Variants in ABCB10 observed in about 807,000 individuals in gnomAD.
ABCB10 encodes ATP-binding cassette sub-family B member 10, mitochondrial.
ABCB10 carries 54 observed loss-of-function variants against 65.4 expected under a neutral mutation model. The ratio of observed to expected loss-of-function variants is 0.83; its 90% CI spans 0.66 to 1.04. The LOEUF is 1.04. Among genes scored for constraint, ABCB10 ranks in the 50% least tolerant of loss-of-function variants. ABCB10 has a pLI of 0.00. For missense variants in ABCB10, 846 were observed against 976.6 expected, an observed-to-expected ratio of 0.87 and a Z score of 1.78; for synonymous variants, 418 against 406.5, an observed-to-expected ratio of 1.03 and a Z score of -0.34.
chr1:229,558,166 G>C lies in ABCB10; in HGVS notation c.487C>G (p.Leu163Val), dbSNP rs1399503129. 1 of 1,433,940 alleles carries C rather than the reference G, an allele frequency of 7.0e-7. No homozygotes were observed. The highest frequency in any genetic ancestry group is 9.1e-7 in the Non-Finnish European group (1 of 1,096,870). 88.8% of individuals were successfully genotyped at this position (1,433,940 alleles called of 1,614,324 possible). A position where few individuals can be genotyped will look rare whatever the true frequency, so the allele number is the denominator to read the frequency against. The change falls in exon 1 of 13, where the codon CTG becomes GTG. Residue 163 changes from leucine to valine, a missense_variant. Leu to Val is a conservative substitution (Grantham distance 32). Around this residue, in one of 2 missense-constraint regions of ABCB10, gnomAD observed 632 missense variants for 803.2 expected, o/e 0.79. Coordinates refer to ENST00000344517, the MANE Select transcript of ABCB10 (RefSeq NM_012089.3). ...AGCCTCCGGCGCTCAGGGTACGCCAGCCCCAGGAGCTTCCGGGCCTCCGGG... is the reference window on the plus strand; with the variant it reads ...AGCCTCCGGCGCTCAGGGTACGCCACCCCCAGGAGCTTCCGGGCCTCCGGG... ...GLPEARKLLG[L>V]AYPERRRLAA... is the part of the protein sequence containing the mutation.
intron 10 of ABCB10, among the ~76,000 whole-genome samples, chr1:229,521,908 C>T (rs930659408): frequency 5.3e-5 from 8 of 152,156 alleles, no homozygotes; most frequent in African/African-American, 1.9e-4. Context: ...ACTCTGTCAC[C>T]CATGCTGGAG....
In ABCB10 at chr1:229,530,312, T is replaced by C. The variant is rs745348976; in HGVS notation, c.1532A>G (p.Gln511Arg). 6.2e-7 allele frequency: 1 copy of C among 1,614,192 alleles called. No homozygotes were observed. The highest frequency in any genetic ancestry group is 1.7e-5 in the Admixed American group (1 of 60,022). The change falls in exon 8 of 13, where the codon CAG becomes CGG. Residue 511 changes from glutamine (Q) to arginine (R), a missense_variant. By Grantham distance (43) the Gln-to-Arg change is conservative. This residue lies in a region of ABCB10 where 632 missense variants were observed against 803.2 expected (regional missense o/e 0.79). Transcript: ENST00000344517. ...YPARPEVPIF[Q>R]DFSLSIPSGS... ...TGACGGAATGGAAAGGCTGAAATCC[T>C]GAAATATGGGCACCTCTGGGCGAGC...
In ABCB10 at chr1:229,518,895, G is replaced by A. The variant is rs1662237229; in HGVS notation, c.1951-20C>T. 6.4e-7 allele frequency: 1 copy of A among 1,568,858 alleles called. No individual in the cohort carries two copies. Among genetic ancestry groups the A allele is most frequent in the South Asian group, 1.2e-5 (1 of 85,494 alleles). ...GGGATTCTGAAGAAGGAAAAAAAAG[G>A]AAAAGATAAAATAATTTTATTGGAA... On this transcript the variant is annotated intron_variant, in intron 11 of 12. Transcript: ENST00000344517.
chr1:229,538,041 C>T (rs1437979270), intron 6 of ABCB10, among the ~76,000 whole-genome samples: 1 of 152,156 alleles, frequency 6.6e-6, no homozygotes, highest in African/African-American at 2.4e-5. Flanking sequence ...AGACAGTTGA[C>T]CAGAGTTGTG....
Position 229,518,186 on chromosome 1 carries a change from GA to G in ABCB10, c.2209del (p.Ser737GlnfsTer52), listed in dbSNP as rs767831138. The G allele has an allele frequency of 6.2e-7, 1 of 1,612,878 alleles. No individual in the cohort carries two copies. Among genetic ancestry groups the G allele is most frequent in the East Asian group, 2.2e-5 (1 of 44,876 alleles). ...TTACCAGTAATTGCTTCCTTATGCT[GA>G]AATAAAACTTTGTTTGTTCATTAGT... ...RKLMNKQSFI[S>X]A On this transcript the variant is annotated frameshift_variant, in exon 13 of 13. Transcript: ENST00000344517. LOFTEE classifies it high-confidence loss of function.
intron 8 of ABCB10, among the ~76,000 whole-genome samples, chr1:229,529,321 A>G (rs1662521764): frequency 1.4e-5 from 2 of 143,042 alleles, no homozygotes; most frequent in Non-Finnish European, 3.1e-5. Flanking sequence ...AAAAAAAAAA[A>G]AAAAAAAAGA....
At chr1:229,551,103 T>C (rs1373682136) in intron 1 of ABCB10, among the ~76,000 whole-genome samples, 1 of 152,182 alleles carries the variant, frequency 6.6e-6, no homozygotes, top group Non-Finnish European at 1.5e-5. Context: ...TATATAACCT[T>C]AATAAAGAGT....
At position 229,552,077 on chromosome 1, in the gene ABCB10, T is replaced by A. The variant is rs138457985; in HGVS notation, c.518-2643A>T. 3.3e-5 allele frequency among the ~76,000 whole-genome samples: 5 copies of A among 152,372 alleles called. No homozygotes were observed. In the East Asian group the frequency reaches 9.6e-4, roughly 29 times the overall value. ...TGCTGATTACAAAGAGGAAGTAATT[T>A]AGCTGAATCCAAATTAATTTCAGGA... On this transcript the variant is annotated intron_variant, in intron 1 of 12. Coordinates refer to ENST00000344517, the MANE Select transcript of ABCB10 (RefSeq NM_012089.3).
At chr1:229,531,542 C>T in intron 7 of ABCB10, 94 bp downstream of exon 7, 4 of 1,266,058 alleles carry the variant, frequency 3.2e-6, no homozygotes, top group Non-Finnish European at 4.5e-6. Context: ...TACTGTGGCT[C>T]ATCCCTCACT....
intron 6 of ABCB10, among the ~76,000 whole-genome samples, chr1:229,537,660 C>T (rs941096793): frequency 4.6e-5 from 7 of 152,046 alleles, no homozygotes; most frequent in Non-Finnish European, 1.5e-5. Flanking sequence ...TGTGGCAGCA[C>T]GTGCCTGTAG....
intron 8 of ABCB10, among the ~76,000 whole-genome samples, chr1:229,529,667 CAAAAAAAAAA>C (rs969766089): frequency 8.6e-5 from 2 of 23,210 alleles, no homozygotes; most frequent in Non-Finnish European, 1.6e-4. Flanking sequence ...AAGACTGTCT[CAAAAAAAAAA>C]AAAAAAAAAA....
rs2102797881 is a variant in ABCB10 at position 229,518,154 on chromosome 1, A to G, written c.*25T>C. The stretch of plus-strand genomic sequence containing the variant: ...CAACACTGTTTTGCATTAAAGTCTC[A>G]TATTGTTTACCAGTAATTGCTTCCT... On this transcript the variant is annotated 3_prime_UTR_variant, in exon 13 of 13. Transcript: ENST00000344517. 3 of 1,559,980 alleles carry G rather than the reference A, an allele frequency of 1.9e-6. No individual in the cohort carries two copies. The highest frequency in any genetic ancestry group is 1.1e-5 in the South Asian group (1 of 89,696).
chr1:229,554,886 A>G (rs1663208804), intron 1 of ABCB10, among the ~76,000 whole-genome samples: 1 of 152,112 alleles, frequency 6.6e-6, no homozygotes, highest in Non-Finnish European at 1.5e-5. Flanking sequence ...TTGTCACTAT[A>G]TTCACTGTGG....
At chr1:229,529,162 A>G (rs1390619579) in intron 8 of ABCB10, among the ~76,000 whole-genome samples, 4 of 150,460 alleles carry the variant, frequency 2.7e-5, no homozygotes. Context: ...GCATGGTGGC[A>G]GGCGCCTGTG....
At chr1:229,552,464 C>A (rs1663141313) in intron 1 of ABCB10, among the ~76,000 whole-genome samples, 1 of 152,182 alleles carries the variant, frequency 6.6e-6, no homozygotes, top group Non-Finnish European at 1.5e-5. Flanking sequence ...TTGACAGATA[C>A]CTTCAAGTAT....
intron 1 of ABCB10, among the ~76,000 whole-genome samples, chr1:229,550,314 C>G (rs1663076534): frequency 6.7e-6 from 1 of 149,518 alleles, no homozygotes; most frequent in Admixed American, 6.6e-5. Flanking sequence ...TTGTTTGAGC[C>G]CAGGAGATCC....
chr1:229,523,050 C>T (rs12022203), intron 10 of ABCB10, among the ~76,000 whole-genome samples: 23,974 of 152,052 alleles, frequency 0.16, 2,408 homozygotes, highest in Middle Eastern at 0.26. Flanking sequence ...TCTTTTTTTC[C>T]CCTCCTCTAG....
In ABCB10 at chr1:229,525,983, G is replaced by A. The variant is rs916144143; in HGVS notation, c.1859C>T (p.Pro620Leu). The A allele has an allele frequency of 2.7e-5, 44 of 1,614,090 alleles. No homozygotes were observed. The highest frequency in any genetic ancestry group is 3.6e-5 in the Non-Finnish European group (43 of 1,180,040). ...ANAVAFIRNF[P>L]QGFNTVVGEK... ...TCCAACCACAGTGTTGAACCCTTGG[G>A]GGAAATTCCGGATGAAGGCCACTGC... is the stretch of plus-strand genomic sequence containing the variant. Residue 620 changes from proline to leucine, a missense_variant, in exon 10 of 13, where the codon CCC becomes CTC. This residue lies in a region of ABCB10 where 632 missense variants were observed against 803.2 expected (regional missense o/e 0.79). Coordinates refer to ENST00000344517, the MANE Select transcript of ABCB10 (RefSeq NM_012089.3).
intron 1 of ABCB10, among the ~76,000 whole-genome samples, chr1:229,551,028 C>T (rs1489250457): frequency 2.0e-5 from 3 of 152,204 alleles, no homozygotes; most frequent in Non-Finnish European, 4.4e-5. Context: ...GTCCTCCCAT[C>T]TCAGCCTTGC....
Sources: gnomAD v4.1 joint callset for allele counts (sites outside exome capture counted in the v4.1 genomes callset) on GRCh38, gnomAD v4.1.1 for gene constraint, gnomAD v4.1.1 regional missense constraint, MANE v1.5 for transcripts, NCBI Gene and HGNC (gene_info 2026-07-23, HGNC 2026-07-21) for gene names.